The following SYNE2 variants were observed in gnomAD, a reference collection of about 807,000 sequenced individuals.
SYNE2 encodes the protein nesprin-2.
In SYNE2, 431 loss-of-function variants were observed where a neutral mutation model predicts 856.3. The ratio of observed to expected loss-of-function variants is 0.50; its 90% CI spans 0.47 to 0.55. The LOEUF (loss-of-function observed/expected upper bound fraction) is 0.55. SYNE2 is among the 20% of genes least tolerant of loss of function. The probability of loss-of-function intolerance (pLI) is 0.00; values close to 1 mark genes in which losing one functional copy is unlikely to be tolerated. For synonymous variants in SYNE2, 2,923 were observed against 2,872.3 expected (o/e 1.02, Z -0.56); for missense variants, 8,129 against 8,023.2 (o/e 1.01, Z -0.50).
intron 1 of SYNE2, among the ~76,000 whole-genome samples, chr14:63,840,001 G>C (rs956408807): frequency 5.3e-5 from 8 of 152,324 alleles, no homozygotes; most frequent in African/African-American, 1.9e-4. Context: ...GGGCACGGTG[G>C]CTCACGCCTA....
intron 2 of SYNE2, among the ~76,000 whole-genome samples, chr14:63,913,659 C>T (rs2095500241): frequency 6.6e-6 from 1 of 151,536 alleles, no homozygotes; most frequent in Non-Finnish European, 1.5e-5. Flanking sequence ...GAGGGGATTT[C>T]ACCATGTTGG....
intron 68 of SYNE2, 47 bp from the exon 69 acceptor site, chr14:64,121,965 T>C (rs762547671): frequency 7.4e-6 from 12 of 1,610,892 alleles, no homozygotes; most frequent in South Asian, 3.3e-5. Context: ...TGGGTACTAA[T>C]CGAAAAGCTT....
chr14:63,790,438 T>A (rs1298774325), intron 1 of SYNE2, among the ~76,000 whole-genome samples: 6 of 152,192 alleles, frequency 3.9e-5, no homozygotes, highest in Non-Finnish European at 7.3e-5. Flanking sequence ...GAGTTTGTTG[T>A]GGGCTCAAAG....
intron 1 of SYNE2, among the ~76,000 whole-genome samples, chr14:63,805,075 C>T (rs1261297447): frequency 2.6e-5 from 4 of 152,136 alleles, no homozygotes; most frequent in African/African-American, 9.7e-5. Flanking sequence ...ATTTCTGGGT[C>T]CTCAAACCTG....
intron 80 of SYNE2, among the ~76,000 whole-genome samples, chr14:64,141,072 T>C (rs969040904): frequency 1.3e-5 from 2 of 152,186 alleles, no homozygotes; most frequent in African/African-American, 4.8e-5. Flanking sequence ...CCATAGTTTA[T>C]TGTAAAACTT....
Position 63,997,018 on chromosome 14 carries a change from A to AGG in SYNE2, c.3013_3014insGG (p.Glu1005GlyfsTer12). On this transcript the variant is annotated frameshift_variant, in exon 24 of 116. Transcript: ENST00000555002. LOFTEE classifies it high-confidence loss of function. The stretch of plus-strand genomic sequence containing the variant: ...TGGAAGTCCTGAGGGAGCTGTGTGA[A>AGG]GAGCTGCCTTCACAGAAGAGTCAAC... The AGG allele has an allele frequency of 1.2e-6, 2 of 1,614,142 alleles. No individual in the cohort carries two copies. The highest frequency in any genetic ancestry group is 8.5e-7 in the Non-Finnish European group (1 of 1,180,020).
chr14:63,799,606 A>C (rs1888053519), intron 1 of SYNE2, among the ~76,000 whole-genome samples: 1 of 152,046 alleles, frequency 6.6e-6, no homozygotes, highest in African/African-American at 2.4e-5. Flanking sequence ...CTGGAGGTTG[A>C]GGCAGGAGAA....
rs778679729 is a variant in SYNE2, at chr14:64,188,550, G to A, written c.17713G>A (p.Val5905Met). 1.3e-4 allele frequency: 210 copies of A among 1,614,030 alleles called. No individual in the cohort carries two copies. The highest frequency in any genetic ancestry group is 1.7e-4 in the Non-Finnish European group (204 of 1,180,046). ...CTGCCAAATGTATTTTCATTTGCAG[G>A]TGGCCATACGTAAACAGGAGATTGA... ...HRQWEDLCLR[V>M]AIRKQEIEDR... The change falls in exon 98 of 116, where the codon GTG (valine) becomes ATG (methionine). Residue 5905 changes from valine (V) to methionine (M), a missense_variant and splice_region_variant. Physicochemically the swap from Val to Met is conservative, Grantham distance 21. This residue lies in a region of SYNE2 where 5,410 missense variants were observed against 5,284.8 expected (regional missense o/e 1.02). Transcript: ENST00000555002.
At chr14:64,096,195 A>G (rs2097675543) in intron 61 of SYNE2, among the ~76,000 whole-genome samples, 1 of 152,170 alleles carries the variant, frequency 6.6e-6, no homozygotes, top group South Asian at 2.1e-4. Flanking sequence ...ATAAACTAAG[A>G]CACATATTTT....
intron 1 of SYNE2, among the ~76,000 whole-genome samples, chr14:63,775,777 T>G (rs1169664350): frequency 2.0e-5 from 3 of 152,110 alleles, no homozygotes; most frequent in East Asian, 3.9e-4. Flanking sequence ...TTGTTTGTTT[T>G]GTAGACATGG....
intron 66 of SYNE2, among the ~76,000 whole-genome samples, chr14:64,119,183 A>G (rs184236867): frequency 6.6e-6 from 1 of 152,334 alleles, no homozygotes; most frequent in East Asian, 1.9e-4. Flanking sequence ...TAAGGCGACT[A>G]TAGAGTCATT....
intron 78 of SYNE2, 77 bp from the exon 79 acceptor site, chr14:64,137,710 T>C (rs2098106351): frequency 1.4e-6 from 2 of 1,473,642 alleles, no homozygotes; most frequent in Non-Finnish European, 1.9e-6. Context: ...AATGTCAGTT[T>C]TAAATGCAGT....
In SYNE2 at chr14:64,101,974, TC is replaced by T. The variant is rs1424427157; in HGVS notation, c.12425del (p.Ser4142TyrfsTer29). The T allele has an allele frequency of 6.2e-7, 1 of 1,614,116 alleles. No homozygotes were observed. The highest frequency in any genetic ancestry group is 8.5e-7 in the Non-Finnish European group (1 of 1,179,988). On this transcript the variant is annotated frameshift_variant, in exon 64 of 116. Coordinates refer to ENST00000555002, the MANE Select transcript of SYNE2 (RefSeq NM_182914.3). LOFTEE classifies it high-confidence loss of function. ...KAEPSPQSWS[S>X]LWKHDKDMEE... ...AGAGCCATCGCCTCAGTCTTGGTCT[TC>T]ACTTTGGAAGCATGACAAGGACATG...
intron 2 of SYNE2, among the ~76,000 whole-genome samples, chr14:63,936,019 T>C (rs148394791): frequency 0.044 from 6,742 of 152,062 alleles, 495 homozygotes; most frequent in African/African-American, 0.15. Flanking sequence ...GGATTACAGG[T>C]GCCCACCACC....
intron 74 of SYNE2, 25 bp from the exon 75 acceptor site, chr14:64,129,757 T>G: frequency 1.2e-6 from 2 of 1,613,888 alleles, no homozygotes; most frequent in Non-Finnish European, 1.7e-6. Context: ...AAGGGTTTTC[T>G]TTTCTTGTAT....
intron 1 of SYNE2, among the ~76,000 whole-genome samples, chr14:63,853,921 G>C (rs566432320): frequency 8.5e-5 from 13 of 152,312 alleles, no homozygotes; most frequent in Non-Finnish European, 1.8e-4. Flanking sequence ...TGAAAAGGGC[G>C]GGGCGGGGGC....
rs143784708 is a variant in SYNE2 at position 64,177,371 on chromosome 14, G to A, written c.17444G>A (p.Cys5815Tyr). ...FQSTVETWDQ[C>Y]EKKIKELKSR... ...GTTTTCAAATAGACCTGGGACCAGT[G>A]TGAAAAGAAAATCAAGGAGTTGAAA... is the stretch of plus-strand genomic sequence containing the variant. Residue 5815 changes from cysteine (C) to tyrosine (Y), a missense_variant, in exon 96 of 116, where the codon TGT becomes TAT. Cys to Tyr is a radical substitution (Grantham distance 194, BLOSUM62 -2). This residue lies in a region of SYNE2 where 5,410 missense variants were observed against 5,284.8 expected (regional missense o/e 1.02). Coordinates refer to ENST00000555002, the MANE Select transcript of SYNE2 (RefSeq NM_182914.3). 158 of 1,614,166 alleles carry A rather than the reference G, an allele frequency of 9.8e-5. No homozygotes were observed. In the East Asian group the frequency reaches 3.5e-3, roughly 36 times the overall value.
Position 63,909,147 on chromosome 14 carries a change from G to T in SYNE2, c.-2G>T. 6.2e-7 allele frequency: 1 copy of T among 1,607,324 alleles called. No individual in the cohort carries two copies. The highest frequency in any genetic ancestry group is 1.1e-5 in the South Asian group (1 of 90,936). On this transcript the variant is annotated 5_prime_UTR_variant, in exon 2 of 116. Coordinates refer to ENST00000555002, the MANE Select transcript of SYNE2 (RefSeq NM_182914.3). The stretch of plus-strand genomic sequence containing the variant: ...ATGATATAATCTCCATTGAGTCAAA[G>T]AATGGCATCTAGTCCTGAGCTTCCC...
chr14:63,931,706 G>A (rs2095757996), intron 2 of SYNE2, among the ~76,000 whole-genome samples: 2 of 152,048 alleles, frequency 1.3e-5, no homozygotes, highest in Admixed American at 1.3e-4. Context: ...AATATTTATT[G>A]AGGATGTTTT....
Sources: gnomAD v4.1 joint callset for allele counts (sites outside exome capture counted in the v4.1 genomes callset) on GRCh38, gnomAD v4.1.1 for gene constraint, gnomAD v4.1.1 regional missense constraint, MANE v1.5 for transcripts, NCBI Gene and HGNC (gene_info 2026-07-23, HGNC 2026-07-21) for gene names.